NKAIN2: variants seen among roughly 807,000 people sequenced by gnomAD.
NKAIN2 encodes sodium/potassium-transporting ATPase subunit beta-1-interacting protein 2.
In NKAIN2, 14 loss-of-function variants were observed where a neutral mutation model predicts 32.6. The ratio of observed to expected loss-of-function variants is 0.43; its 90% CI spans 0.28 to 0.67. The LOEUF (loss-of-function observed/expected upper bound fraction) is 0.67, where lower values mean the gene tolerates loss of function less well. NKAIN2 is among the 30% of genes least tolerant of loss of function. The probability of loss-of-function intolerance (pLI) is 0.17; values close to 1 mark genes in which losing one functional copy is unlikely to be tolerated. For synonymous variants in NKAIN2, 80 were observed against 87.2 expected, an observed-to-expected ratio of 0.92 and a Z score of 0.46; for missense variants, 198 against 258.3, an observed-to-expected ratio of 0.77 and a Z score of 1.60.
chr6:123,967,775 C>A lies in NKAIN2; in HGVS notation c.54+163521C>A, dbSNP rs137955963. Among the ~76,000 whole-genome samples the A allele has an allele frequency of 6.5e-3, 994 of 152,240 alleles. 8 individuals carry two copies. Among genetic ancestry groups the A allele is most frequent in the Non-Finnish European group, 0.011 (737 of 68,010 alleles). On this transcript the variant is annotated intron_variant, in intron 1 of 6. Transcript: ENST00000368417. Reference sequence around the variant, plus strand: ...AAAGTATTGGTTCTTACACTTTCTCCTTTTAAGTATAGAGTGAGGGTTCTT... The same window carrying A: ...AAAGTATTGGTTCTTACACTTTCTCATTTTAAGTATAGAGTGAGGGTTCTT...
intron 2 of NKAIN2, among the ~76,000 whole-genome samples, chr6:124,295,903 A>G (rs867227623): frequency 1.3e-4 from 20 of 152,216 alleles, no homozygotes; most frequent in African/African-American, 3.4e-4. Context: ...ACTTCAGGGA[A>G]CATATGCCAA....
intron 4 of NKAIN2, among the ~76,000 whole-genome samples, chr6:124,666,766 C>A (rs1772817112): frequency 6.6e-6 from 1 of 151,920 alleles, no homozygotes; most frequent in Admixed American, 6.6e-5. Context: ...TTTTAATATT[C>A]TCAGGTATTC....
At position 124,688,945 on chromosome 6, in the gene NKAIN2, A is replaced by G. The variant is rs141587365; in HGVS notation, c.474+30559A>G. Among the ~76,000 whole-genome samples the G allele has an allele frequency of 2.6e-3, 399 of 152,260 alleles. 1 individual carries two copies. Among genetic ancestry groups the G allele is most frequent in the African/African-American group, 6.5e-3 (270 of 41,568 alleles). On this transcript the variant is annotated intron_variant, in intron 4 of 6. Transcript: ENST00000368417. ...ATAAAGCTGCTATAAAGGTCTGTGC[A>G]CAGATTGTGGTGTGGATTTAAGTTT...
chr6:124,487,842 G>A (rs189842421), intron 3 of NKAIN2, among the ~76,000 whole-genome samples: 25 of 152,142 alleles, frequency 1.6e-4, no homozygotes, highest in Non-Finnish European at 2.9e-4. Flanking sequence ...TAAGACTGCT[G>A]ACATAGCACC....
intron 2 of NKAIN2, among the ~76,000 whole-genome samples, chr6:124,327,738 T>C (rs1240337190): frequency 6.6e-6 from 1 of 152,146 alleles, no homozygotes; most frequent in Admixed American, 6.6e-5. Flanking sequence ...GTGTTATACT[T>C]ATAGAGGTAT....
intron 4 of NKAIN2, among the ~76,000 whole-genome samples, chr6:124,741,206 T>C (rs769555132): frequency 4.0e-5 from 6 of 151,490 alleles, no homozygotes; most frequent in Non-Finnish European, 5.9e-5. Flanking sequence ...ATGTCTACTA[T>C]ACAACCAAGC....
In NKAIN2 at chr6:124,337,944, T is replaced by A. The variant is rs1040057482; in HGVS notation, c.193-17323T>A. ...TTTCAGCTGCTGCAAGCTATCTTTT[T>A]TGTTTACATTGGTGTACCTTACGCA... On this transcript the variant is annotated intron_variant, in intron 2 of 6. Coordinates refer to ENST00000368417, the MANE Select transcript of NKAIN2 (RefSeq NM_001040214.3). 1.2e-4 allele frequency among the ~76,000 whole-genome samples: 18 copies of A among 152,318 alleles called. No individual in the cohort carries two copies. The South Asian group carries it at 2.9e-3, about 25-fold the overall frequency.
chr6:124,370,281 A>T (rs925226782), intron 3 of NKAIN2, among the ~76,000 whole-genome samples: 2 of 151,788 alleles, frequency 1.3e-5, no homozygotes, highest in Non-Finnish European at 2.9e-5. Context: ...TTTAAGTTTC[A>T]GCGTAGCACT....
intron 3 of NKAIN2, among the ~76,000 whole-genome samples, chr6:124,452,477 TATC>T (rs1471458594): frequency 2.0e-5 from 3 of 152,130 alleles, no homozygotes; most frequent in African/African-American, 4.8e-5. Flanking sequence ...TGCAGTTAAT[TATC>T]ATTATAATTT....
chr6:124,347,047 C>T (rs1407421981), intron 2 of NKAIN2, among the ~76,000 whole-genome samples: 3 of 148,774 alleles, frequency 2.0e-5, no homozygotes, highest in Admixed American at 6.7e-5. Context: ...CAAAATCTCT[C>T]AGCATTTGCT....
At chr6:124,701,819 A>AT (rs1214396627) in intron 4 of NKAIN2, among the ~76,000 whole-genome samples, 1 of 152,004 alleles carries the variant, frequency 6.6e-6, no homozygotes, top group African/African-American at 2.4e-5. Context: ...CAATCACTTC[A>AT]TTTTTTTATT....
chr6:124,054,587 C>A (rs1483608827), intron 1 of NKAIN2, among the ~76,000 whole-genome samples: 4 of 151,988 alleles, frequency 2.6e-5, no homozygotes, highest in Non-Finnish European at 5.9e-5. Flanking sequence ...ATGGTATTGG[C>A]CAGCTTCCTC....
At chr6:124,499,017 C>T (rs544295792) in intron 3 of NKAIN2, among the ~76,000 whole-genome samples, 95 of 152,168 alleles carry the variant, frequency 6.2e-4, no homozygotes, top group African/African-American at 2.1e-3. Context: ...ATCTGCCGGC[C>T]GTGGCCTCCC....
chr6:124,815,400 G>A (rs1781116943), intron 5 of NKAIN2, among the ~76,000 whole-genome samples: 1 of 151,720 alleles, frequency 6.6e-6, no homozygotes, highest in Non-Finnish European at 1.5e-5. Context: ...CTCCCGAGTA[G>A]CTGGGATTAC....
chr6:124,647,065 A>T (rs1784199210), intron 3 of NKAIN2, among the ~76,000 whole-genome samples: 1 of 151,986 alleles, frequency 6.6e-6, no homozygotes, highest in Admixed American at 6.6e-5. Context: ...CCTAAAAAAT[A>T]CCCCTAGTAT....
chr6:124,533,938 C>A (rs1242895419), intron 3 of NKAIN2, among the ~76,000 whole-genome samples: 2 of 152,094 alleles, frequency 1.3e-5, no homozygotes, highest in Admixed American at 1.3e-4. Context: ...TTTATAAAGG[C>A]ACTACTCCCA....
At chr6:123,907,571 T>G (rs1774947749) in intron 1 of NKAIN2, among the ~76,000 whole-genome samples, 1 of 152,114 alleles carries the variant, frequency 6.6e-6, no homozygotes, top group Non-Finnish European at 1.5e-5. Context: ...ATAACCAAAT[T>G]ACCCTGAAAC....
intron 1 of NKAIN2, among the ~76,000 whole-genome samples, chr6:124,229,663 G>A (rs1342358211): frequency 6.6e-6 from 1 of 152,112 alleles, no homozygotes; most frequent in African/African-American, 2.4e-5. Flanking sequence ...TTGAACCATG[G>A]AAGTGGGTCT....
At chr6:124,623,549 G>A (rs1783190197) in intron 3 of NKAIN2, among the ~76,000 whole-genome samples, 1 of 151,966 alleles carries the variant, frequency 6.6e-6, no homozygotes, top group Non-Finnish European at 1.5e-5. Flanking sequence ...ACAGTTAGTT[G>A]TAGAAAATTT....
Sources: allele counts gnomAD v4.1 joint callset (sites outside exome capture counted in the v4.1 genomes callset), GRCh38; gene constraint gnomAD v4.1.1; transcripts MANE v1.5; gene names NCBI Gene and HGNC (gene_info 2026-07-23, HGNC 2026-07-21).